The following MYO5A variants were observed in gnomAD, a reference collection of about 807,000 sequenced individuals.
MYO5A encodes unconventional myosin-Va.
A neutral mutation model predicts 249.7 loss-of-function variants in MYO5A; 98 were observed. The observed-to-expected ratio is 0.39, with a 90% CI of 0.33 to 0.46. The LOEUF is 0.46. Ranked by LOEUF, MYO5A falls within the 20% of genes least tolerant of loss-of-function variation. The probability of loss-of-function intolerance (pLI) is 0.98; values close to 1 mark genes in which losing one functional copy is unlikely to be tolerated. For missense variants in MYO5A, 1,696 were observed against 2,308.8 expected, an observed-to-expected ratio of 0.73 and a Z score of 5.44; for synonymous variants, 778 against 810.6, an observed-to-expected ratio of 0.96 and a Z score of 0.68.
In MYO5A at chr15:52,319,242, G is replaced by A. The variant is rs751216730; in HGVS notation, c.5052C>T (p.Tyr1684=). ...GCTGCCGGAGGATGGAGTCCAGTGT[G>A]TAGGTGCCCTCATCGGCGATACTGG... is the stretch of plus-strand genomic sequence containing the variant. ...RTSSIADEGT[Y]TLDSILRQLN... is the part of the protein sequence containing the mutation. The change falls in exon 39 of 42, where the codon TAC becomes TAT. Residue 1684 remains tyrosine (Y), a synonymous_variant. Transcript: ENST00000399233. 19 of 1,614,080 alleles carry A rather than the reference G, an allele frequency of 1.2e-5. No homozygotes were observed. In the East Asian group the frequency reaches 3.3e-4, roughly 28 times the overall value.
At chr15:52,336,600 CCTT>C (rs747944541) in intron 33 of MYO5A, 44 bp from the exon 34 acceptor site, 6 of 1,400,126 alleles carry the variant, frequency 4.3e-6, no homozygotes, top group Non-Finnish European at 6.0e-6. Context: ...TCGAAACAGG[CCTT>C]CTAAAATGCA....
rs1045699 is a variant in MYO5A at position 52,309,023 on chromosome 15, G to A, written c.*4673C>T. The A allele has an allele frequency of 0.62, 94,602 of 152,316 alleles. 31,281 individuals carry two copies. The highest frequency in any genetic ancestry group is 0.74 in the Non-Finnish European group (50,112 of 68,126). The allele number at this position is 152,316 out of a possible 1,614,324, so 9.4% of individuals were successfully genotyped here. On this transcript the variant is annotated 3_prime_UTR_variant, in exon 42 of 42. Coordinates refer to ENST00000399233, the MANE Select transcript of MYO5A (RefSeq NM_001382347.1). Reference sequence around the variant, plus strand: ...TATGGCCTGCCCAGTGACAGCCCTCGGAAGGCACCCAGTGACTTGGGCTCC... The same window carrying A: ...TATGGCCTGCCCAGTGACAGCCCTCAGAAGGCACCCAGTGACTTGGGCTCC...
chr15:52,343,791 T>A (rs1198004428), intron 30 of MYO5A, among the ~76,000 whole-genome samples: 1 of 152,242 alleles, frequency 6.6e-6, no homozygotes, highest in East Asian at 1.9e-4. Flanking sequence ...ATTAATTGTA[T>A]GCCTGGAAAA....
chr15:52,356,376 C>T (rs575158458), intron 25 of MYO5A, among the ~76,000 whole-genome samples: 14 of 152,136 alleles, frequency 9.2e-5, no homozygotes, highest in African/African-American at 3.4e-4. Flanking sequence ...AGAAAAACTA[C>T]AATTTTTTCT....
At chr15:52,474,654 T>G (rs1414342768) in intron 1 of MYO5A, among the ~76,000 whole-genome samples, 2 of 152,112 alleles carry the variant, frequency 1.3e-5, no homozygotes, top group Non-Finnish European at 2.9e-5. Flanking sequence ...AATCATGTGG[T>G]TTTCGTCTTT....
At chr15:52,352,702 GAAC>G (rs1295602395) in intron 27 of MYO5A, among the ~76,000 whole-genome samples, 1 of 152,062 alleles carries the variant, frequency 6.6e-6, no homozygotes, top group Non-Finnish European at 1.5e-5. Context: ...AGAATGGCAT[GAAC>G]CTGGGAGGCG....
At position 52,495,830 on chromosome 15, in the gene MYO5A, T is replaced by C. The variant is rs562414795; in HGVS notation, c.27+32950A>G. ...CAAAAACTCTACCTCTAGTCTTATTTTATAATTTTATCTGTTATACAGTTT... is the reference window on the plus strand; with the variant it reads ...CAAAAACTCTACCTCTAGTCTTATTCTATAATTTTATCTGTTATACAGTTT... On this transcript the variant is annotated intron_variant, in intron 1 of 41. Transcript: ENST00000399233. Among the ~76,000 whole-genome samples the C allele has an allele frequency of 4.3e-4, 65 of 152,300 alleles. No homozygotes were observed. In the South Asian group the frequency reaches 0.013, roughly 30 times the overall value.
chr15:52,417,184 A>G (rs749363899), intron 4 of MYO5A, among the ~76,000 whole-genome samples: 11 of 152,246 alleles, frequency 7.2e-5, no homozygotes, highest in Non-Finnish European at 1.6e-4. Context: ...CTAAGGATGA[A>G]TCTGCAATAG....
At chr15:52,348,932 A>C (rs2039800365) in intron 28 of MYO5A, 106 bp from the exon 29 acceptor site, 11 of 1,197,596 alleles carry the variant, frequency 9.2e-6, no homozygotes, top group Non-Finnish European at 1.3e-5. Context: ...ATAAAAGCTA[A>C]TTTAAAAACA....
intron 1 of MYO5A, among the ~76,000 whole-genome samples, chr15:52,438,598 A>G (rs920295025): frequency 6.6e-6 from 1 of 152,204 alleles, no homozygotes; most frequent in Admixed American, 6.5e-5. Flanking sequence ...AACTTAGCTC[A>G]CACCCGAGCC....
intron 11 of MYO5A, 148 bp downstream of exon 11, chr15:52,396,168 T>C (rs1308026039): frequency 1.6e-5 from 10 of 625,376 alleles, no homozygotes; most frequent in Non-Finnish European, 2.8e-5. Flanking sequence ...ATTTTTCTAA[T>C]GTTGTACCAT....
In MYO5A at chr15:52,389,302, C is replaced by T. The variant is rs1284362775; in HGVS notation, c.1604G>A (p.Cys535Tyr). 6.2e-7 allele frequency: 1 copy of T among 1,613,010 alleles called. No individual in the cohort carries two copies. Among genetic ancestry groups the T allele is most frequent in the Admixed American group, 1.7e-5 (1 of 60,020 alleles). The change falls in exon 13 of 42, where the codon TGT becomes TAT. Residue 535 changes from cysteine to tyrosine, a missense_variant. Cys to Tyr is a radical substitution (Grantham distance 194). Transcript: ENST00000399233. ...TAGACGAGGCTTTTCAAAGAGTGCA[C>T]ATTTGTTCAAATGTGTGTTGTACAA... ...QKLYNTHLNK[C>Y]ALFEKPRLSN...
rs762753429 is a variant in MYO5A, at chr15:52,376,524, A to G, written c.2243T>C (p.Ile748Thr). Residue 748 changes from isoleucine (I) to threonine (T), a missense_variant, in exon 19 of 42, where the codon ATC (isoleucine) becomes ACC (threonine). Physicochemically the swap from Ile to Thr is moderately conservative, Grantham distance 89. Coordinates refer to ENST00000399233, the MANE Select transcript of MYO5A (RefSeq NM_001382347.1). ...KDKYQFGKTK[I>T]FFRAGQVAYL... is the part of the protein sequence containing the mutation. The stretch of plus-strand genomic sequence containing the variant: ...GGCCACTTGACCGGCACGGAAAAAG[A>G]TCTTTGTCTTACCAAACTGGTATTT... 6.2e-7 allele frequency: 1 copy of G among 1,614,204 alleles called. No homozygotes were observed.
chr15:52,414,414 T>C (rs532419742), intron 5 of MYO5A, among the ~76,000 whole-genome samples: 7 of 152,274 alleles, frequency 4.6e-5, no homozygotes, highest in African/African-American at 1.7e-4. Flanking sequence ...ATTCCAAATT[T>C]TTAATATATT....
At chr15:52,490,674 T>A (rs2076916560) in intron 1 of MYO5A, among the ~76,000 whole-genome samples, 1 of 152,200 alleles carries the variant, frequency 6.6e-6, no homozygotes, top group Non-Finnish European at 1.5e-5. Context: ...GATATAGTTT[T>A]GCAAGATGAA....
chr15:52,492,634 G>A lies in MYO5A; in HGVS notation c.27+36146C>T, dbSNP rs147773613. On this transcript the variant is annotated intron_variant, in intron 1 of 41. Coordinates refer to ENST00000399233, the MANE Select transcript of MYO5A (RefSeq NM_001382347.1). ...CCAAAATCCAAGTTCCCAGATGCTC[G>A]CCAAGGGCCAACCTTGTAAACAGGC... Among the ~76,000 whole-genome samples, 124 of 152,294 alleles carry A rather than the reference G, an allele frequency of 8.1e-4. 1 individual carries two copies. Among genetic ancestry groups the A allele is most frequent in the African/African-American group, 2.7e-3 (111 of 41,550 alleles).
At chr15:52,416,711 A>T (rs1420809986) in intron 4 of MYO5A, among the ~76,000 whole-genome samples, 1 of 152,192 alleles carries the variant, frequency 6.6e-6, no homozygotes, top group Non-Finnish European at 1.5e-5. Context: ...TGAGACATGC[A>T]TTACATCATT....
chr15:52,485,012 G>A (rs952022040), intron 1 of MYO5A, among the ~76,000 whole-genome samples: 5 of 152,016 alleles, frequency 3.3e-5, no homozygotes, highest in African/African-American at 9.7e-5. Context: ...GTAAGCCACC[G>A]CACCCAGCCT....
At chr15:52,477,232 T>G (rs923753394) in intron 1 of MYO5A, among the ~76,000 whole-genome samples, 3 of 152,250 alleles carry the variant, frequency 2.0e-5, no homozygotes, top group African/African-American at 7.2e-5. Context: ...TGCCATGGTT[T>G]TCAGCTCCAT....
Sources: gnomAD v4.1 joint callset for allele counts (sites outside exome capture counted in the v4.1 genomes callset) on GRCh38, gnomAD v4.1.1 for gene constraint, MANE v1.5 for transcripts, NCBI Gene and HGNC (gene_info 2026-07-23, HGNC 2026-07-21) for gene names.